Variants in ZNF695 observed in about 807,000 individuals in gnomAD.
ZNF695 encodes the protein zinc finger protein 695.
In ZNF695, 11 loss-of-function variants were observed where a neutral mutation model predicts 11.2. The observed-to-expected ratio is 0.98, with a 90% CI of 0.62 to 1.62. The LOEUF (loss-of-function observed/expected upper bound fraction) is 1.62. Ranked by LOEUF, ZNF695 falls within the 40% of genes most tolerant of loss-of-function variation. The pLI, the probability that ZNF695 is intolerant of heterozygous loss-of-function variation, is 0.00. For missense variants in ZNF695, 559 were observed against 590.5 expected (o/e 0.95, Z 0.55); for synonymous variants, 190 against 201.4 (o/e 0.94, Z 0.48).
At chr1:246,977,644 A>C (rs1381249324) in intron 4 of ZNF695, among the ~76,000 whole-genome samples, 2 of 152,218 alleles carry the variant, frequency 1.3e-5, no homozygotes, top group African/African-American at 4.8e-5. Flanking sequence ...TATTTGTCAG[A>C]GTTTTTATGA....
At chr1:246,989,038 G>A (rs1668943184) in intron 3 of ZNF695, among the ~76,000 whole-genome samples, 2 of 150,246 alleles carry the variant, frequency 1.3e-5, no homozygotes, top group Non-Finnish European at 1.5e-5. Context: ...AGCTTGTAGT[G>A]AGCCAAGATC....
Position 246,976,748 on chromosome 1 carries a change from C to G in ZNF695, c.391-8956G>C, listed in dbSNP as rs12122123. On this transcript the variant is annotated intron_variant, in intron 4 of 5. Coordinates refer to the ZNF695 transcript ENST00000487338. ...GGCAGAGCTTGCAGTGTGCTGAGAT[C>G]GCGCCACTGCACTCCAGCCTGGGCG... Among the ~76,000 whole-genome samples the G allele has an allele frequency of 3.9e-5, 6 of 152,120 alleles. No homozygotes were observed. In the East Asian group the frequency reaches 5.8e-4, roughly 15 times the overall value.
intron 1 of ZNF695, among the ~76,000 whole-genome samples, chr1:247,002,309 TA>T (rs886503019): frequency 6.6e-6 from 1 of 151,104 alleles, no homozygotes; most frequent in Non-Finnish European, 1.5e-5. Context: ...TTGAAACTAA[TA>T]AAAAAAAAGA....
Position 246,986,624 on chromosome 1 carries a change from T to A in ZNF695, c.*343A>T, listed in dbSNP as rs1668855151. 1 of 1,018,086 alleles carries A rather than the reference T, an allele frequency of 9.8e-7. No homozygotes were observed. The highest frequency in any genetic ancestry group is 4.5e-5 in the South Asian group (1 of 22,122). 63.1% of individuals were successfully genotyped at this position (1,018,086 alleles called of 1,614,324 possible). A position where few individuals can be genotyped will look rare whatever the true frequency, so the allele number is the denominator to read the frequency against. On this transcript the variant is annotated 3_prime_UTR_variant, in exon 4 of 4. Transcript: ENST00000339986. The stretch of plus-strand genomic sequence containing the variant: ...ACACTCTGGTGTTTTCTGAGGTATA[T>A]TTTTTGAACAAATGTTGTTTCTGCA...
At chr1:246,959,310 A>AAAAAATAAATATATAT (rs1558304450) in intron 5 of ZNF695, among the ~76,000 whole-genome samples, 1 of 51,252 alleles carries the variant, frequency 2.0e-5, no homozygotes, top group African/African-American at 8.8e-5. Flanking sequence ...AAAAAAAAAA[A>AAAAAATAAATATATAT]ATATATATAT....
chr1:246,993,246 A>G (rs968518585), intron 3 of ZNF695, among the ~76,000 whole-genome samples: 25 of 152,120 alleles, frequency 1.6e-4, no homozygotes, highest in African/African-American at 6.0e-4. Flanking sequence ...ATCTCTACTA[A>G]AAATACAAAA....
chr1:246,985,689 CA>C lies in ZNF695; in HGVS notation c.*1277del, dbSNP rs1668828843. On this transcript the variant is annotated 3_prime_UTR_variant, in exon 4 of 4. Transcript: ENST00000339986. The stretch of plus-strand genomic sequence containing the variant: ...CACTGAATTTTATTACCTTAATGTG[CA>C]ATAGGAAAAACAACTGACTTGTAAA... 3 of 985,300 alleles carry C rather than the reference CA, an allele frequency of 3.0e-6. No individual in the cohort carries two copies. The highest frequency in any genetic ancestry group is 3.6e-6 in the Non-Finnish European group (3 of 829,872). 61.0% of individuals were successfully genotyped at this position (985,300 alleles called of 1,614,324 possible). A position where few individuals can be genotyped will look rare whatever the true frequency, so the allele number is the denominator to read the frequency against.
downstream of ZNF695, among the ~76,000 whole-genome samples, chr1:246,981,409 T>G (rs910846991): frequency 6.6e-6 from 1 of 152,234 alleles, no homozygotes; most frequent in Non-Finnish European, 1.5e-5. Context: ...ATCAGTAGGT[T>G]GAGGAGACAT....
intron 5 of ZNF695, among the ~76,000 whole-genome samples, chr1:246,960,821 T>C (rs998297263): frequency 1.3e-5 from 2 of 152,072 alleles, no homozygotes; most frequent in Admixed American, 6.6e-5. Flanking sequence ...CAGTCCCAGC[T>C]ACTTGGGAGT....
chr1:246,999,210 T>G (rs1195669412), intron 3 of ZNF695, 138 bp downstream of exon 3: 3 of 655,192 alleles, frequency 4.6e-6, no homozygotes, highest in Non-Finnish European at 8.1e-6. Context: ...TGCCCCTATG[T>G]GGGAGCAAGA....
At chr1:246,974,850 G>A (rs928118405) in intron 4 of ZNF695, among the ~76,000 whole-genome samples, 13 of 152,064 alleles carry the variant, frequency 8.5e-5, no homozygotes, top group African/African-American at 2.2e-4. Context: ...CTGACCCACC[G>A]CCACAGTGGC....
chr1:246,946,675 C>A (rs1269280678), intron 5 of ZNF695, among the ~76,000 whole-genome samples: 4 of 152,238 alleles, frequency 2.6e-5, no homozygotes, highest in Non-Finnish European at 1.5e-5. Flanking sequence ...CTTGTGGGAA[C>A]CACAATCCTA....
At chr1:246,984,191 C>T (rs1378225703), downstream of ZNF695, among the ~76,000 whole-genome samples, 1 of 141,926 alleles carries the variant, frequency 7.0e-6, no homozygotes, top group Non-Finnish European at 1.5e-5. Context: ...AAGAGAAAGT[C>T]CAAATTTCCT....
intron 4 of ZNF695, chr1:246,969,208 A>G (rs1373459836): frequency 6.6e-6 from 1 of 152,196 alleles, no homozygotes; most frequent in African/African-American, 2.4e-5. Flanking sequence ...ATGAGCATAC[A>G]CTGTTAGAAG....
At chr1:246,967,802 G>A (rs975169878) in intron 4 of ZNF695, 37 of 340,508 alleles carry the variant, frequency 1.1e-4, no homozygotes, top group African/African-American at 8.0e-4. Context: ...GCTGGCAGGA[G>A]AGAGAGAGCA....
chr1:246,955,780 C>T (rs1370592045), intron 5 of ZNF695, among the ~76,000 whole-genome samples: 7 of 152,180 alleles, frequency 4.6e-5, no homozygotes, highest in Non-Finnish European at 1.0e-4. Flanking sequence ...AAGAGTACTA[C>T]TGTCTTCTGG....
chr1:247,002,085 C>T (rs894850748), intron 1 of ZNF695, among the ~76,000 whole-genome samples: 1 of 151,966 alleles, frequency 6.6e-6, no homozygotes, highest in African/African-American at 2.4e-5. Flanking sequence ...ACATGCTTGG[C>T]CATAAAACAA....
intron 1 of ZNF695, among the ~76,000 whole-genome samples, chr1:247,007,494 CAA>C (rs34758795): frequency 1.3e-5 from 1 of 79,466 alleles, no homozygotes; most frequent in African/African-American, 5.5e-5. Context: ...GACTCCGTCT[CAA>C]AAAAAAAAAA....
intron 5 of ZNF695, among the ~76,000 whole-genome samples, chr1:246,967,126 C>T (rs1417633428): frequency 6.6e-5 from 10 of 151,972 alleles, no homozygotes; most frequent in South Asian, 2.1e-4. Flanking sequence ...TTAGTAGAGA[C>T]GGGGTTTCTC....
Sources: gnomAD v4.1 joint callset for allele counts (sites outside exome capture counted in the v4.1 genomes callset) on GRCh38, gnomAD v4.1.1 for gene constraint, MANE v1.5 for transcripts, NCBI Gene and HGNC (gene_info 2026-07-23, HGNC 2026-07-21) for gene names.